The following GABRG1 variants were observed in gnomAD, a reference collection of about 807,000 sequenced individuals.
GABRG1 encodes gamma-aminobutyric acid type A receptor subunit gamma1.
GABRG1 carries 49 observed loss-of-function variants against 49.8 expected under a neutral mutation model. The ratio of observed to expected loss-of-function variants is 0.98; its 90% CI spans 0.78 to 1.25. GABRG1 has a LOEUF of 1.25. Among genes scored for constraint, GABRG1 ranks in the 50% most tolerant of loss-of-function variants. The pLI, the probability that GABRG1 is intolerant of heterozygous loss-of-function variation, is 0.00. For missense variants in GABRG1, 552 were observed against 552.3 expected, an observed-to-expected ratio of 1.00 and a Z score of 0.01; for synonymous variants, 232 against 185.1, an observed-to-expected ratio of 1.25 and a Z score of -2.06.
At chr4:46,121,875 C>T (rs1020365960) in intron 1 of GABRG1, among the ~76,000 whole-genome samples, 4 of 152,040 alleles carry the variant, frequency 2.6e-5, no homozygotes, top group African/African-American at 9.7e-5. Context: ...TGTACAATAC[C>T]TTCCTCACTT....
chr4:46,111,722 C>T (rs1402789511), intron 1 of GABRG1, among the ~76,000 whole-genome samples: 1 of 151,110 alleles, frequency 6.6e-6, no homozygotes, highest in Non-Finnish European at 1.5e-5. Flanking sequence ...ACAAATTTGG[C>T]AAAAATAAGC....
At chr4:46,074,631 T>G (rs1304742192) in intron 3 of GABRG1, among the ~76,000 whole-genome samples, 2 of 152,112 alleles carry the variant, frequency 1.3e-5, no homozygotes, top group Admixed American at 6.6e-5. Flanking sequence ...TTTAAATAAG[T>G]TTTCTCTGCT....
In GABRG1 at chr4:46,117,504, A is replaced by G. The variant is rs1422422111; in HGVS notation, c.104+6306T>C. 3.4e-5 allele frequency among the ~76,000 whole-genome samples: 5 copies of G among 148,740 alleles called. No individual in the cohort carries two copies. The East Asian group carries it at 1.0e-3, about 30-fold the overall frequency. On this transcript the variant is annotated intron_variant, in intron 1 of 8. Coordinates refer to ENST00000295452, the MANE Select transcript of GABRG1 (RefSeq NM_173536.4). Reference sequence around the variant, plus strand: ...AAATCTATATACAAAAAATTCTACCAAACTGTGAGACTCTACCTTTGGCAC... The same window carrying G: ...AAATCTATATACAAAAAATTCTACCGAACTGTGAGACTCTACCTTTGGCAC...
In GABRG1 at chr4:46,041,741, C is replaced by T. The variant is rs143004097; in HGVS notation, c.1132-487G>A. Among the ~76,000 whole-genome samples, 37 of 152,016 alleles carry T rather than the reference C, an allele frequency of 2.4e-4. 1 individual carries two copies. Among genetic ancestry groups the T allele is most frequent in the African/African-American group, 6.7e-4 (28 of 41,502 alleles). On this transcript the variant is annotated intron_variant, in intron 8 of 8. Coordinates refer to ENST00000295452, the MANE Select transcript of GABRG1 (RefSeq NM_173536.4). The stretch of plus-strand genomic sequence containing the variant: ...TTATGGGGTTTGTGATGGGTAAGCA[C>T]AAGGCACCATATTTGGGAAAGAGGA...
intron 2 of GABRG1, among the ~76,000 whole-genome samples, chr4:46,089,246 C>T (rs1353085049): frequency 6.6e-6 from 1 of 151,864 alleles, no homozygotes; most frequent in Admixed American, 6.6e-5. Flanking sequence ...TATACAATGC[C>T]TATGAAAAAC....
intron 3 of GABRG1, among the ~76,000 whole-genome samples, chr4:46,075,088 A>T (rs543960591): frequency 2.3e-4 from 35 of 151,868 alleles, no homozygotes; most frequent in African/African-American, 8.4e-4. Flanking sequence ...TATATATTTT[A>T]AAAAGTCCTA....
At chr4:46,063,211 G>C (rs931297960) in intron 5 of GABRG1, among the ~76,000 whole-genome samples, 25 of 152,114 alleles carry the variant, frequency 1.6e-4, no homozygotes, top group East Asian at 9.7e-4. Flanking sequence ...GCATTGCCAA[G>C]TCAATCCTAA....
intron 8 of GABRG1, among the ~76,000 whole-genome samples, chr4:46,044,014 TTGA>T (rs777382329): frequency 2.0e-5 from 3 of 152,134 alleles, no homozygotes; most frequent in South Asian, 2.1e-4. Context: ...TAAATATTAT[TTGA>T]TGATTATATT....
chr4:46,118,943 A>T (rs945789573), intron 1 of GABRG1, among the ~76,000 whole-genome samples: 5 of 151,436 alleles, frequency 3.3e-5, no homozygotes, highest in African/African-American at 1.2e-4. Flanking sequence ...ATCTTCCTTC[A>T]TATAATTTCT....
In GABRG1 at chr4:46,058,628, G is replaced by A. The variant is rs1577637556; in HGVS notation, c.626-6C>T. On this transcript the variant is annotated splice_region_variant and splice_polypyrimidine_tract_variant and intron_variant, in intron 5 of 8. Transcript: ENST00000295452. The stretch of plus-strand genomic sequence containing the variant: ...TTCATTTTTAGGGTATCCATCTATA[G>A]AGAAAAAATACATAGATTAGCAAGA... The A allele has an allele frequency of 6.2e-7, 1 of 1,606,940 alleles. No homozygotes were observed. Among genetic ancestry groups the A allele is most frequent in the South Asian group, 1.1e-5 (1 of 90,302 alleles).
intron 2 of GABRG1, among the ~76,000 whole-genome samples, chr4:46,092,495 G>A (rs1022736200): frequency 1.3e-5 from 2 of 151,738 alleles, no homozygotes; most frequent in African/African-American, 2.4e-5. Context: ...AATATTTAAT[G>A]AATTCAAAAA....
rs533409219 is a variant in GABRG1, at chr4:46,037,764, C to T, written c.*3224G>A. ...TCTACTAAAATCATCTTATTTAAAG[C>T]TCCTCTCTTGTAAAATCAAAGTGTT... On this transcript the variant is annotated 3_prime_UTR_variant, in exon 9 of 9. Transcript: ENST00000295452. The T allele has an allele frequency of 5.9e-5, 9 of 151,748 alleles. No homozygotes were observed. The highest frequency in any genetic ancestry group is 2.1e-4 in the South Asian group (1 of 4,814). 9.4% of individuals were successfully genotyped at this position (151,748 alleles called of 1,614,324 possible). A position where few individuals can be genotyped will look rare whatever the true frequency, so the allele number is the denominator to read the frequency against.
chr4:46,048,892 C>CA (rs547227887), intron 8 of GABRG1, among the ~76,000 whole-genome samples: 6 of 151,038 alleles, frequency 4.0e-5, no homozygotes, highest in East Asian at 1.9e-4. Flanking sequence ...TTATCTCTTC[C>CA]AAAAAAAACT....
chr4:46,120,189 A>C (rs1340995400), intron 1 of GABRG1, among the ~76,000 whole-genome samples: 1 of 151,428 alleles, frequency 6.6e-6, no homozygotes, highest in South Asian at 2.1e-4. Context: ...TATGTGAATT[A>C]CTCTCTTGAA....
At chr4:46,117,578 C>CTGTCTCTCTCTTTCTG (rs773826499) in intron 1 of GABRG1, among the ~76,000 whole-genome samples, 11,046 of 143,154 alleles carry the variant, frequency 0.077, 1,097 homozygotes, top group African/African-American at 0.23. Context: ...CTCTCTCTCT[C>CTGTCTCTCTCTTTCTG]TCTGTCTCTC....
chr4:46,051,375 TC>T (rs1482844569), intron 8 of GABRG1, 48 bp downstream of exon 8: 4 of 1,340,904 alleles, frequency 3.0e-6, no homozygotes, highest in Non-Finnish European at 4.1e-6. Context: ...AAAGAGTATC[TC>T]TAAGTAAGTT....
At chr4:46,042,719 A>T (rs1245809809) in intron 8 of GABRG1, among the ~76,000 whole-genome samples, 1 of 151,992 alleles carries the variant, frequency 6.6e-6, no homozygotes, top group East Asian at 1.9e-4. Flanking sequence ...AAGTCACCAA[A>T]TATTAAAAAT....
intron 5 of GABRG1, among the ~76,000 whole-genome samples, chr4:46,060,361 C>G (rs1467656462): frequency 6.6e-6 from 1 of 151,966 alleles, no homozygotes; most frequent in South Asian, 2.1e-4. Context: ...TGTTCTATTA[C>G]ACTACCATCT....
chr4:46,107,063 T>A (rs940535366), intron 1 of GABRG1, among the ~76,000 whole-genome samples: 15 of 151,312 alleles, frequency 9.9e-5, no homozygotes, highest in Non-Finnish European at 3.0e-5. Context: ...TTACAAATAA[T>A]CCAATTATAT....
Sources: allele counts gnomAD v4.1 joint callset (sites outside exome capture counted in the v4.1 genomes callset), GRCh38; gene constraint gnomAD v4.1.1; transcripts MANE v1.5; gene names NCBI Gene and HGNC (gene_info 2026-07-23, HGNC 2026-07-21).